The following TOX3 variants were observed in gnomAD, a reference collection of about 807,000 sequenced individuals.
TOX3 encodes TOX high mobility group box family member 3.
TOX3 carries 22 observed loss-of-function variants against 64.3 expected under a neutral mutation model. That is an observed-to-expected ratio of 0.34 (90% CI 0.24 to 0.49). The LOEUF is 0.49. TOX3 is among the 20% of genes least tolerant of loss of function. The pLI is 0.99. For missense variants in TOX3, 661 were observed against 714.4 expected (o/e 0.93, Z 0.85); for synonymous variants, 291 against 273.6 (o/e 1.06, Z -0.63).
chr16:52,478,325 A>G (rs1487628359), intron 1 of TOX3, among the ~76,000 whole-genome samples: 1 of 152,002 alleles, frequency 6.6e-6, no homozygotes, highest in East Asian at 1.9e-4. Context: ...TGGGCCACTC[A>G]TTGCACTTGC....
rs537060102 is a variant in TOX3 at position 52,477,773 on chromosome 16, C to G, written c.88-9199G>C. On this transcript the variant is annotated intron_variant, in intron 1 of 6. Transcript: ENST00000219746. ...AAAACAGGGATAAGAACAGTATTTGCCACATCACAGGGGTTTTGAGGATTA... is the reference window on the plus strand; with the variant it reads ...AAAACAGGGATAAGAACAGTATTTGGCACATCACAGGGGTTTTGAGGATTA... Among the ~76,000 whole-genome samples the G allele has an allele frequency of 1.4e-4, 21 of 152,264 alleles. No individual in the cohort carries two copies. In the South Asian group the frequency reaches 1.9e-3, roughly 14 times the overall value.
chr16:52,529,428 T>C (rs1187802399), intron 1 of TOX3, among the ~76,000 whole-genome samples: 9 of 152,216 alleles, frequency 5.9e-5, no homozygotes, highest in African/African-American at 2.2e-4. Context: ...TATACAAACA[T>C]AGTCATTGTA....
At chr16:52,454,549 T>G (rs1275562627) in intron 3 of TOX3, among the ~76,000 whole-genome samples, 1 of 152,190 alleles carries the variant, frequency 6.6e-6, no homozygotes, top group African/African-American at 2.4e-5. Flanking sequence ...TCTTTGGAAA[T>G]TCAAGCTCTT....
At chr16:52,526,375 G>A (rs895021596) in intron 1 of TOX3, among the ~76,000 whole-genome samples, 4 of 152,182 alleles carry the variant, frequency 2.6e-5, no homozygotes, top group African/African-American at 9.7e-5. Context: ...TCTGTCCAAT[G>A]TTTCTGAAAG....
At chr16:52,446,609 T>C (rs1215035719) in intron 4 of TOX3, among the ~76,000 whole-genome samples, 3 of 152,158 alleles carry the variant, frequency 2.0e-5, no homozygotes, top group African/African-American at 7.2e-5. Context: ...AGGATGTTGA[T>C]CATATTCAAA....
At chr16:52,493,858 C>A (rs1303981763) in intron 1 of TOX3, among the ~76,000 whole-genome samples, 1 of 152,168 alleles carries the variant, frequency 6.6e-6, no homozygotes, top group Non-Finnish European at 1.5e-5. Flanking sequence ...GTCACTGCCA[C>A]ACTCCTTATA....
rs535453694 is a variant in TOX3, at chr16:52,505,237, A to G, written c.88-36663T>C. Among the ~76,000 whole-genome samples the G allele has an allele frequency of 3.9e-5, 6 of 152,328 alleles. No homozygotes were observed. In the South Asian group the frequency reaches 1.0e-3, roughly 26 times the overall value. On this transcript the variant is annotated intron_variant, in intron 1 of 6. Coordinates refer to ENST00000219746, the MANE Select transcript of TOX3 (RefSeq NM_001080430.4). ...AGGATTCCCTGAACCTTCTCATTTC[A>G]CTACTCTCTTGTTAGTCATCAATGC...
chr16:52,512,917 G>C (rs774795894), intron 1 of TOX3, among the ~76,000 whole-genome samples: 1 of 152,138 alleles, frequency 6.6e-6, no homozygotes, highest in Non-Finnish European at 1.5e-5. Context: ...TAGAGAACAC[G>C]GTGTGAGTAA....
intron 3 of TOX3, among the ~76,000 whole-genome samples, chr16:52,452,624 A>G (rs1960385628): frequency 6.6e-6 from 1 of 152,056 alleles, no homozygotes. Context: ...GCATGTGTAT[A>G]CATATATAAC....
intron 1 of TOX3, among the ~76,000 whole-genome samples, chr16:52,481,703 G>T (rs530250502): frequency 6.6e-6 from 1 of 152,310 alleles, no homozygotes; most frequent in South Asian, 2.1e-4. Flanking sequence ...ACATGTCAGG[G>T]CTAATGTTTT....
At chr16:52,469,796 T>TG (rs1393282312) in intron 1 of TOX3, among the ~76,000 whole-genome samples, 1 of 152,134 alleles carries the variant, frequency 6.6e-6, no homozygotes, top group Non-Finnish European at 1.5e-5. Context: ...CACTTATTTC[T>TG]GGGGGGCTCT....
At chr16:52,475,300 C>T (rs1961175580) in intron 1 of TOX3, among the ~76,000 whole-genome samples, 2 of 152,124 alleles carry the variant, frequency 1.3e-5, no homozygotes, top group Middle Eastern at 3.2e-3. Context: ...AAATGAATTT[C>T]TGGGTGCAAA....
intron 1 of TOX3, among the ~76,000 whole-genome samples, chr16:52,485,036 A>AATATAT (rs58800489): frequency 1.6e-4 from 22 of 140,504 alleles, no homozygotes; most frequent in African/African-American, 5.7e-4. Context: ...ATGTCAGATA[A>AATATAT]ATATATATAT....
intron 1 of TOX3, among the ~76,000 whole-genome samples, chr16:52,479,847 T>C (rs1265655555): frequency 1.3e-5 from 2 of 152,216 alleles, no homozygotes; most frequent in Non-Finnish European, 2.9e-5. Flanking sequence ...ATGGGCACTT[T>C]AGTGTGAATT....
intron 1 of TOX3, among the ~76,000 whole-genome samples, chr16:52,531,828 G>A (rs189673615): frequency 6.6e-6 from 1 of 152,208 alleles, no homozygotes; most frequent in African/African-American, 2.4e-5. Flanking sequence ...TGACAAGCAG[G>A]GAGAGAGGCC....
At chr16:52,477,696 G>T (rs534592275) in intron 1 of TOX3, among the ~76,000 whole-genome samples, 2 of 152,104 alleles carry the variant, frequency 1.3e-5, no homozygotes, top group Non-Finnish European at 2.9e-5. Flanking sequence ...CTTGCTAGGG[G>T]TCATTGTGTA....
chr16:52,473,849 G>T (rs1354985791), intron 1 of TOX3, among the ~76,000 whole-genome samples: 1 of 151,900 alleles, frequency 6.6e-6, no homozygotes, highest in Non-Finnish European at 1.5e-5. Context: ...GTATAATATA[G>T]GAATCTATAT....
chr16:52,523,079 C>T lies in TOX3; in HGVS notation c.87+23558G>A, dbSNP rs75551877. On this transcript the variant is annotated intron_variant, in intron 1 of 6. Transcript: ENST00000219746. Reference sequence around the variant, plus strand: ...AATGGTAGTAAGTGCCTGGAGAAAACGGAAGCAAGGCAGGAGGACGGAGAG... The same window carrying T: ...AATGGTAGTAAGTGCCTGGAGAAAATGGAAGCAAGGCAGGAGGACGGAGAG... Among the ~76,000 whole-genome samples the T allele has an allele frequency of 0.022, 3,362 of 152,194 alleles. 147 individuals are homozygous for T. The East Asian group carries it at 0.22, about 10-fold the overall frequency.
chr16:52,539,752 T>C (rs769477326), intron 1 of TOX3, among the ~76,000 whole-genome samples: 14 of 152,194 alleles, frequency 9.2e-5, no homozygotes, highest in Non-Finnish European at 1.9e-4. Context: ...ATGAGCTTGA[T>C]CTGGTTATCT....
Sources: gnomAD v4.1 joint callset for allele counts (sites outside exome capture counted in the v4.1 genomes callset) on GRCh38, gnomAD v4.1.1 for gene constraint, MANE v1.5 for transcripts, NCBI Gene and HGNC (gene_info 2026-07-23, HGNC 2026-07-21) for gene names.